The following LDB2 variants were observed in gnomAD, a reference collection of about 807,000 sequenced individuals.
LDB2 encodes LIM domain binding 2.
LDB2 carries 12 observed loss-of-function variants against 44.3 expected under a neutral mutation model. The ratio of observed to expected loss-of-function variants is 0.27; its 90% confidence interval spans 0.17 to 0.44. The LOEUF (loss-of-function observed/expected upper bound fraction) is 0.44. Among genes scored for constraint, LDB2 ranks in the 20% least tolerant of loss-of-function variants. LDB2 has a pLI of 1.00. For synonymous variants in LDB2, 164 were observed against 174.8 expected (o/e 0.94, Z 0.49); for missense variants, 344 against 473.5 (o/e 0.73, Z 2.54).
chr4:16,562,017 T>C (rs940595326), intron 5 of LDB2, among the ~76,000 whole-genome samples: 1 of 152,222 alleles, frequency 6.6e-6, no homozygotes, highest in African/African-American at 2.4e-5. Flanking sequence ...GCTAGCCATA[T>C]GTAGAAAGCT....
chr4:16,529,887 T>C (rs556770350), intron 5 of LDB2, among the ~76,000 whole-genome samples: 1 of 152,340 alleles, frequency 6.6e-6, no homozygotes, highest in South Asian at 2.1e-4. Flanking sequence ...CATTCAGGCA[T>C]TGAGTCTCTA....
At chr4:16,727,930 A>G (rs890162327) in intron 2 of LDB2, among the ~76,000 whole-genome samples, 3 of 152,190 alleles carry the variant, frequency 2.0e-5, no homozygotes, top group Non-Finnish European at 4.4e-5. Flanking sequence ...GAAGCTCAGG[A>G]AGGTTTACAG....
intron 1 of LDB2, among the ~76,000 whole-genome samples, chr4:16,762,351 C>T (rs998982927): frequency 2.4e-4 from 37 of 152,186 alleles, no homozygotes; most frequent in African/African-American, 8.0e-4. Context: ...TTGCTTTGCT[C>T]ATTATTCAGA....
intron 2 of LDB2, among the ~76,000 whole-genome samples, chr4:16,739,638 A>G (rs56018813): frequency 4.7e-5 from 4 of 85,132 alleles, no homozygotes; most frequent in African/African-American, 1.4e-4. Flanking sequence ...GTATATATGT[A>G]TATATACATA....
intron 5 of LDB2, among the ~76,000 whole-genome samples, chr4:16,547,451 A>G (rs1736157682): frequency 6.6e-6 from 1 of 152,156 alleles, no homozygotes; most frequent in South Asian, 2.1e-4. Flanking sequence ...CTCCACTCCT[A>G]CCTTTAAGCC....
chr4:16,509,607 C>CA (rs958389950), intron 6 of LDB2, among the ~76,000 whole-genome samples: 4 of 152,036 alleles, frequency 2.6e-5, no homozygotes, highest in Admixed American at 2.6e-4. Context: ...ATTTTATATT[C>CA]AAAAAATCCT....
chr4:16,564,347 C>T (rs555982449), intron 5 of LDB2, among the ~76,000 whole-genome samples: 7 of 152,138 alleles, frequency 4.6e-5, no homozygotes, highest in South Asian at 2.1e-4. Flanking sequence ...GGTGACAGAC[C>T]GAGATTCTAT....
In LDB2 at chr4:16,791,487, G is replaced by A. The variant is rs556247161; in HGVS notation, c.133-32227C>T. ...GGAGAATTGCTTGAACGGGGGAGGC[G>A]GAGGTTGCAGTGAGCTGAGGTCATG... On this transcript the variant is annotated intron_variant, in intron 1 of 7. Transcript: ENST00000304523. Among the ~76,000 whole-genome samples the A allele has an allele frequency of 1.9e-4, 27 of 143,778 alleles. No homozygotes were observed. In the South Asian group the frequency reaches 5.2e-3, roughly 27 times the overall value. The allele number at this position is 143,778 out of a possible 152,430, so 94.3% of individuals were successfully genotyped here. A position where few individuals can be genotyped will look rare whatever the true frequency, so the allele number is the denominator to read the frequency against.
At chr4:16,787,602 A>G (rs1774738493) in intron 1 of LDB2, among the ~76,000 whole-genome samples, 1 of 152,166 alleles carries the variant, frequency 6.6e-6, no homozygotes, top group African/African-American at 2.4e-5. Context: ...TGACTGAGTG[A>G]AACTCCATCT....
chr4:16,575,892 A>C (rs1748104619), intron 5 of LDB2, among the ~76,000 whole-genome samples: 1 of 152,164 alleles, frequency 6.6e-6, no homozygotes, highest in Admixed American at 6.5e-5. Flanking sequence ...ACCTGCCATC[A>C]CGCCTGGCTA....
chr4:16,571,974 T>C (rs1288545859), intron 5 of LDB2, among the ~76,000 whole-genome samples: 4 of 152,176 alleles, frequency 2.6e-5, no homozygotes, highest in Admixed American at 2.6e-4. Flanking sequence ...GATGAGGCCA[T>C]AGAATCTACA....
At position 16,772,915 on chromosome 4, in the gene LDB2, A is replaced by G. The variant is rs558622982; in HGVS notation, c.133-13655T>C. On this transcript the variant is annotated intron_variant, in intron 1 of 7. Coordinates refer to ENST00000304523, the MANE Select transcript of LDB2 (RefSeq NM_001290.5). ...AAGGAAATAGGCAGACAAACAGAAC[A>G]GTGGGACAGAATGGAGAACCAAGAC... Among the ~76,000 whole-genome samples the G allele has an allele frequency of 3.5e-4, 53 of 152,366 alleles. 1 individual carries two copies. Among genetic ancestry groups the G allele is most frequent in the Non-Finnish European group, 4.3e-4 (29 of 68,036 alleles).
chr4:16,639,543 C>A (rs1279283908), intron 2 of LDB2, among the ~76,000 whole-genome samples: 1 of 152,244 alleles, frequency 6.6e-6, no homozygotes, highest in East Asian at 1.9e-4. Context: ...CTCACTGCAA[C>A]TTCCACCTAC....
rs151089983 is a variant in LDB2 at position 16,533,709 on chromosome 4, T to C, written c.616-21605A>G. Among the ~76,000 whole-genome samples the C allele has an allele frequency of 1.3e-5, 2 of 152,222 alleles. No individual in the cohort carries two copies. The highest frequency in any genetic ancestry group is 2.9e-5 in the Non-Finnish European group (2 of 68,032). On this transcript the variant is annotated intron_variant, in intron 5 of 7. Coordinates refer to ENST00000304523, the MANE Select transcript of LDB2 (RefSeq NM_001290.5). This position sits in a 1 kb window ranked among gnomAD's most constrained non-coding sequence, Gnocchi z 4.1. ...CCCTGGCTGAACAAATGGTTGCTTA[T>C]GTAAAAGACCTGCCCTCCAGTAAAA...
intron 2 of LDB2, among the ~76,000 whole-genome samples, chr4:16,610,692 C>T (rs1725368036): frequency 6.6e-6 from 1 of 151,770 alleles, no homozygotes; most frequent in African/African-American, 2.4e-5. Context: ...ATGAACAAAG[C>T]CTCCAAGAAA....
At chr4:16,540,107 G>A (rs965748351) in intron 5 of LDB2, among the ~76,000 whole-genome samples, 2 of 152,094 alleles carry the variant, frequency 1.3e-5, no homozygotes, top group African/African-American at 4.8e-5. Flanking sequence ...TAAACAATCA[G>A]ATCTCATGAG....
intron 3 of LDB2, among the ~76,000 whole-genome samples, chr4:16,592,457 T>TATAC (rs34880240): frequency 9.1e-4 from 82 of 89,698 alleles, no homozygotes; most frequent in African/African-American, 2.2e-3. Flanking sequence ...TCATATGCAT[T>TATAC]ATACATACAT....
At chr4:16,734,574 G>C (rs1484044030) in intron 2 of LDB2, among the ~76,000 whole-genome samples, 2 of 151,998 alleles carry the variant, frequency 1.3e-5, no homozygotes, top group Admixed American at 6.6e-5. Context: ...TCCATCCAGA[G>C]TCCTTCCAAC....
chr4:16,713,237 G>A (rs1756329705), intron 2 of LDB2, among the ~76,000 whole-genome samples: 1 of 152,214 alleles, frequency 6.6e-6, no homozygotes, highest in African/African-American at 2.4e-5. Context: ...TGGAGTGATG[G>A]AAGTATTCTA....
Sources: gnomAD v4.1 joint callset for allele counts (sites outside exome capture counted in the v4.1 genomes callset) on GRCh38, gnomAD v4.1.1 for gene constraint, Gnocchi (gnomAD v3.1) non-coding constraint, MANE v1.5 for transcripts, NCBI Gene and HGNC (gene_info 2026-07-23, HGNC 2026-07-21) for gene names.